DNAJC24: variants seen among roughly 807,000 people sequenced by gnomAD.
DNAJC24 encodes the protein dnaJ homolog subfamily C member 24.
A neutral mutation model predicts 18.0 loss-of-function variants in DNAJC24; 17 were observed. The ratio of observed to expected loss-of-function variants is 0.94; its 90% CI spans 0.65 to 1.42. The LOEUF (loss-of-function observed/expected upper bound fraction) is 1.42, where lower values mean the gene tolerates loss of function less well. DNAJC24 is among the 40% of genes most tolerant of loss of function. The probability of loss-of-function intolerance (pLI) is 0.00; values close to 1 mark genes in which losing one functional copy is unlikely to be tolerated. For missense variants in DNAJC24, 158 were observed against 175.6 expected (o/e 0.90, Z 0.57); for synonymous variants, 55 against 57.7 (o/e 0.95, Z 0.21).
chr11:31,372,662 G>T (rs544714713), intron 2 of DNAJC24, among the ~76,000 whole-genome samples: 4 of 135,912 alleles, frequency 2.9e-5, no homozygotes, highest in African/African-American at 9.9e-5. Context: ...AAACAGCAAA[G>T]TAGGTAAATC....
Position 31,414,886 on chromosome 11 carries a change from G to A in DNAJC24, c.187G>A (p.Asp63Asn), listed in dbSNP as rs1036572038. ...EECVQKFIEI[D>N]QAWKILGNEE... ...ATGTGTACAGAAGTTCATCGAAATT[G>A]ATCAAGCATGGAAAATTCTAGGAAA... The change falls in exon 3 of 5, where the codon GAT (aspartate) becomes AAT (asparagine). Residue 63 changes from aspartate to asparagine, a missense_variant. By Grantham distance (23) the Asp-to-Asn change is conservative. Transcript: ENST00000465995. The A allele has an allele frequency of 1.9e-6, 3 of 1,613,916 alleles. No individual in the cohort carries two copies. The Admixed American group carries it at 5.0e-5, about 27-fold the overall frequency.
intron 2 of DNAJC24, among the ~76,000 whole-genome samples, chr11:31,388,256 A>G (rs555021830): frequency 2.0e-5 from 3 of 152,286 alleles, no homozygotes; most frequent in South Asian, 2.1e-4. Context: ...ATATTCAAGT[A>G]CAAGAAGGTT....
chr11:31,415,081 T>C lies in DNAJC24; in HGVS notation c.250+132T>C, dbSNP rs1416592734. On this transcript the variant is annotated intron_variant, in intron 3 of 4. Transcript: ENST00000465995. The stretch of plus-strand genomic sequence containing the variant: ...TGCCTTTATTCCTCCCCTCCATCAC[T>C]GTTTTTAATTATGCCCTATTCTTAG... 9.5e-6 allele frequency: 9 copies of C among 949,856 alleles called. No homozygotes were observed. In the East Asian group the frequency reaches 2.2e-4, roughly 23 times the overall value. 58.8% of individuals were successfully genotyped at this position (949,856 alleles called of 1,614,324 possible). A position where few individuals can be genotyped will look rare whatever the true frequency, so the allele number is the denominator to read the frequency against.
intron 2 of DNAJC24, among the ~76,000 whole-genome samples, chr11:31,390,705 TAAAAAAAA>T (rs34050503): frequency 8.8e-6 from 1 of 114,094 alleles, no homozygotes; most frequent in African/African-American, 3.3e-5. Flanking sequence ...GATTCCATCT[TAAAAAAAA>T]AAAAAAAAAA....
chr11:31,431,845 A>G lies in DNAJC24; in HGVS notation c.*1444A>G, dbSNP rs1426818261. On this transcript the variant is annotated 3_prime_UTR_variant, in exon 5 of 5. Coordinates refer to ENST00000465995, the MANE Select transcript of DNAJC24 (RefSeq NM_181706.5). ...AATAAAATAAAATAAATAAAAAAAG[A>G]TATAGTATTAATGCCTGTATTTATG... The G allele has an allele frequency of 6.6e-6, 1 of 152,044 alleles. No homozygotes were observed. Among genetic ancestry groups the G allele is most frequent in the Non-Finnish European group, 1.5e-5 (1 of 68,006 alleles). 9.4% of individuals were successfully genotyped at this position (152,044 alleles called of 1,614,324 possible).
Position 31,414,682 on chromosome 11 carries a change from A to G in DNAJC24, c.112-129A>G. On this transcript the variant is annotated intron_variant, in intron 2 of 4. Coordinates refer to ENST00000465995, the MANE Select transcript of DNAJC24 (RefSeq NM_181706.5). ...CTCCTGTGCCCAACACTGTTGTCTC[A>G]TTGCCTTGGCATTTGGTTTTCATCT... The G allele has an allele frequency of 3.1e-6, 3 of 960,442 alleles. No individual in the cohort carries two copies. The South Asian group carries it at 5.2e-5, about 17-fold the overall frequency. The allele number at this position is 960,442 out of a possible 1,614,324, so 59.5% of individuals were successfully genotyped here.
intron 2 of DNAJC24, among the ~76,000 whole-genome samples, chr11:31,403,218 A>C (rs1353748270): frequency 6.6e-6 from 1 of 151,328 alleles, no homozygotes; most frequent in East Asian, 2.0e-4. Flanking sequence ...GTGTTACTGA[A>C]CTGAACTTGG....
At chr11:31,397,401 G>A (rs1034017879) in intron 2 of DNAJC24, among the ~76,000 whole-genome samples, 4 of 151,434 alleles carry the variant, frequency 2.6e-5, no homozygotes, top group East Asian at 1.9e-4. Flanking sequence ...TCAATGAATC[G>A]TTGACTGCTT....
At chr11:31,371,441 C>A (rs532756969) in intron 2 of DNAJC24, among the ~76,000 whole-genome samples, 2 of 152,308 alleles carry the variant, frequency 1.3e-5, no homozygotes, top group South Asian at 4.1e-4. Context: ...ACCTAATTTT[C>A]ATATCTAGCA....
intron 3 of DNAJC24, among the ~76,000 whole-genome samples, chr11:31,419,455 T>C (rs1952782973): frequency 6.6e-6 from 1 of 152,052 alleles, no homozygotes; most frequent in African/African-American, 2.4e-5. Flanking sequence ...CTTGCTACTT[T>C]TACTTGAATG....
At chr11:31,374,080 G>T in intron 2 of DNAJC24, 1 of 387,022 alleles carries the variant, frequency 2.6e-6, no homozygotes, top group South Asian at 1.9e-5. Flanking sequence ...TGTATGTCTT[G>T]TATTTCCTTT....
chr11:31,415,640 G>A (rs1286935545), intron 3 of DNAJC24: 1 of 152,218 alleles, frequency 6.6e-6, no homozygotes, highest in Non-Finnish European at 1.5e-5. Flanking sequence ...GAGTCCCTCA[G>A]CCTTGTGTTT....
intron 3 of DNAJC24, among the ~76,000 whole-genome samples, chr11:31,422,780 G>A (rs1591922035): frequency 6.6e-6 from 1 of 152,096 alleles, no homozygotes; most frequent in African/African-American, 2.4e-5. Flanking sequence ...GACAAGCAGA[G>A]ATCATTGTTT....
chr11:31,382,653 G>A (rs1049937587), intron 2 of DNAJC24, among the ~76,000 whole-genome samples: 1 of 152,168 alleles, frequency 6.6e-6, no homozygotes, highest in Non-Finnish European at 1.5e-5. Flanking sequence ...AAAAGCCAAA[G>A]TGTTTTCCCT....
chr11:31,427,318 A>G (rs1421044227), intron 4 of DNAJC24: 3 of 152,138 alleles, frequency 2.0e-5, no homozygotes, highest in Non-Finnish European at 4.4e-5. Context: ...CTCTGGGGCC[A>G]TTCTGTCCCC....
At chr11:31,371,392 A>G (rs1212891294) in intron 2 of DNAJC24, among the ~76,000 whole-genome samples, 2 of 152,220 alleles carry the variant, frequency 1.3e-5, no homozygotes, top group Non-Finnish European at 2.9e-5. Context: ...TACTGTGTCC[A>G]TCTGCTGATA....
chr11:31,387,666 C>T (rs921861362), intron 2 of DNAJC24, among the ~76,000 whole-genome samples: 3 of 152,160 alleles, frequency 2.0e-5, no homozygotes, highest in Non-Finnish European at 4.4e-5. Flanking sequence ...GCACAGACTA[C>T]AAAGACTGCA....
intron 3 of DNAJC24, chr11:31,415,225 T>G: frequency 3.4e-6 from 1 of 292,828 alleles, no homozygotes; most frequent in Non-Finnish European, 6.3e-6. Context: ...CATTACTAAC[T>G]AATATGCTTT....
chr11:31,389,497 G>A (rs1410682792), intron 2 of DNAJC24, among the ~76,000 whole-genome samples: 3 of 152,168 alleles, frequency 2.0e-5, no homozygotes, highest in Middle Eastern at 3.2e-3. Context: ...ATCTAGAGCA[G>A]CCAGATATAT....
Sources: allele counts gnomAD v4.1 joint callset (sites outside exome capture counted in the v4.1 genomes callset), GRCh38; gene constraint gnomAD v4.1.1; transcripts MANE v1.5; gene names NCBI Gene and HGNC (gene_info 2026-07-23, HGNC 2026-07-21).